The following ROBO2 variants were observed in gnomAD, a reference collection of about 807,000 sequenced individuals.
ROBO2 encodes roundabout guidance receptor 2, also known as roundabout homolog 2.
ROBO2 carries 53 observed loss-of-function variants against 160.8 expected under a neutral mutation model. That is an observed-to-expected ratio of 0.33 (90% CI 0.26 to 0.41). The LOEUF is 0.41. ROBO2 is among the 10% of genes least tolerant of loss of function. The probability of loss-of-function intolerance (pLI) is 1.00; values close to 1 mark genes in which losing one functional copy is unlikely to be tolerated. For missense variants in ROBO2, 1,577 were observed against 1,722.4 expected (o/e 0.92, Z 1.49); for synonymous variants, 664 against 611.7 (o/e 1.09, Z -1.26).
chr3:77,071,959 G>T (rs147537329), intron 1 of ROBO2, among the ~76,000 whole-genome samples: 481 of 152,144 alleles, frequency 3.2e-3, no homozygotes, highest in Non-Finnish European at 5.0e-3. Context: ...GACCAGTACC[G>T]CTCGTGACTT....
intron 7 of ROBO2, among the ~76,000 whole-genome samples, chr3:77,549,978 T>C (rs1473978030): frequency 3.4e-5 from 5 of 148,434 alleles, no homozygotes; most frequent in Non-Finnish European, 7.4e-5. Context: ...TGCCCCAATA[T>C]AATTTATTAT....
At chr3:76,517,920 G>T (rs1386516745) in intron 2 of ROBO2, among the ~76,000 whole-genome samples, 1 of 151,994 alleles carries the variant, frequency 6.6e-6, no homozygotes, top group Non-Finnish European at 1.5e-5. Context: ...TTTACAAAAG[G>T]TTAATAACTG....
At chr3:77,373,997 C>G (rs1027526623) in intron 2 of ROBO2, among the ~76,000 whole-genome samples, 4 of 150,908 alleles carry the variant, frequency 2.7e-5, no homozygotes, top group Admixed American at 6.6e-5. Flanking sequence ...TGGTGAAACC[C>G]CATCACTACT....
At chr3:76,008,941 T>C (rs1427639875) in intron 2 of ROBO2, among the ~76,000 whole-genome samples, 1 of 152,094 alleles carries the variant, frequency 6.6e-6, no homozygotes, top group Non-Finnish European at 1.5e-5. Context: ...TGAGGAAGTA[T>C]GATTGAACAG....
At chr3:77,170,499 C>CTGTT (rs2079531989) in intron 2 of ROBO2, among the ~76,000 whole-genome samples, 1 of 152,026 alleles carries the variant, frequency 6.6e-6, no homozygotes, top group South Asian at 2.1e-4. Flanking sequence ...TATCCTTAGA[C>CTGTT]TGTTACCTTT....
intron 15 of ROBO2, among the ~76,000 whole-genome samples, chr3:77,578,853 C>T (rs2093837258): frequency 6.6e-6 from 1 of 151,826 alleles, no homozygotes; most frequent in African/African-American, 2.4e-5. Flanking sequence ...CCTAAATTTC[C>T]ATGTAGTTAA....
chr3:76,156,159 A>G (rs1023898378), intron 2 of ROBO2, among the ~76,000 whole-genome samples: 7 of 152,072 alleles, frequency 4.6e-5, no homozygotes, highest in African/African-American at 1.7e-4. Flanking sequence ...GAATCAGAAC[A>G]TCGTAAGTGC....
intron 2 of ROBO2, among the ~76,000 whole-genome samples, chr3:77,002,957 G>T (rs1022128472): frequency 7.0e-6 from 1 of 143,626 alleles, no homozygotes; most frequent in African/African-American, 2.6e-5. Context: ...CTGTAATTAA[G>T]GCAGATCAGA....
chr3:77,101,012 C>A (rs3922794), intron 2 of ROBO2, among the ~76,000 whole-genome samples: 1 of 151,988 alleles, frequency 6.6e-6, no homozygotes, highest in Non-Finnish European at 1.5e-5. Context: ...AGGTTGAGAG[C>A]AGAGTAAATT....
At chr3:76,653,036 T>G (rs1005607159) in intron 2 of ROBO2, among the ~76,000 whole-genome samples, 6 of 152,250 alleles carry the variant, frequency 3.9e-5, no homozygotes, top group Admixed American at 3.9e-4. Context: ...CATTATTCAG[T>G]AGCCCTATAA....
chr3:76,496,737 A>G (rs2080172551), intron 2 of ROBO2, among the ~76,000 whole-genome samples: 1 of 152,132 alleles, frequency 6.6e-6, no homozygotes, highest in Non-Finnish European at 1.5e-5. Context: ...TAATTTCTCT[A>G]TTGCTTTTAC....
At chr3:76,477,127 A>G (rs529504412) in intron 2 of ROBO2, among the ~76,000 whole-genome samples, 1 of 152,290 alleles carries the variant, frequency 6.6e-6, no homozygotes, top group African/African-American at 2.4e-5. Flanking sequence ...AATCATACAC[A>G]GCTTCTTTTC....
intron 2 of ROBO2, among the ~76,000 whole-genome samples, chr3:76,916,017 C>T (rs1159816351): frequency 6.6e-6 from 1 of 152,120 alleles, no homozygotes; most frequent in Non-Finnish European, 1.5e-5. Flanking sequence ...GCTCCACCCT[C>T]ATGACCTAAT....
intron 2 of ROBO2, among the ~76,000 whole-genome samples, chr3:76,547,523 C>T (rs1351366914): frequency 1.3e-5 from 2 of 152,036 alleles, no homozygotes; most frequent in Admixed American, 6.5e-5. Context: ...GCATTAAACT[C>T]ATACTGAAAT....
At chr3:77,282,704 A>G (rs1580643228) in intron 2 of ROBO2, among the ~76,000 whole-genome samples, 1 of 152,160 alleles carries the variant, frequency 6.6e-6, no homozygotes, top group African/African-American at 2.4e-5. Flanking sequence ...AAAGTCATAA[A>G]TTAAACAAAC....
intron 2 of ROBO2, among the ~76,000 whole-genome samples, chr3:76,424,733 A>T (rs1362863180): frequency 3.3e-5 from 5 of 152,186 alleles, no homozygotes; most frequent in African/African-American, 1.2e-4. Context: ...TTATGCGTCG[A>T]AAGTGATGAT....
chr3:76,938,941 AG>A (rs2077952103), intron 2 of ROBO2, among the ~76,000 whole-genome samples: 1 of 143,662 alleles, frequency 7.0e-6, no homozygotes, highest in African/African-American at 2.5e-5. Context: ...ATTGCACGCT[AG>A]CCTGGGCGAC....
chr3:76,816,223 G>A (rs2065652911), intron 2 of ROBO2, among the ~76,000 whole-genome samples: 1 of 152,088 alleles, frequency 6.6e-6, no homozygotes, highest in South Asian at 2.1e-4. Context: ...ATTCATATTG[G>A]AAGGCCACGT....
chr3:75,969,687 C>T lies in ROBO2; in HGVS notation c.109+32085C>T, dbSNP rs139574780. ...ACCTTTTCATATACTTGTTGCCCTT[C>T]GTATGTCTTTTTTAAATAACATCTA... On this transcript the variant is annotated intron_variant, in intron 2 of 26. Transcript: ENST00000487694. 6.6e-5 allele frequency among the ~76,000 whole-genome samples: 10 copies of T among 151,658 alleles called. No homozygotes were observed. The South Asian group carries it at 8.3e-4, about 13-fold the overall frequency.
Sources: allele counts gnomAD v4.1 joint callset (sites outside exome capture counted in the v4.1 genomes callset), GRCh38; gene constraint gnomAD v4.1.1; transcripts MANE v1.5; gene names NCBI Gene and HGNC (gene_info 2026-07-23, HGNC 2026-07-21).